Variants in KIAA1755 observed in about 807,000 individuals in gnomAD.
The protein encoded by KIAA1755 is uncharacterized protein KIAA1755.
In KIAA1755, 68 loss-of-function variants were observed where a neutral mutation model predicts 91.7. The ratio of observed to expected loss-of-function variants is 0.74; its 90% CI spans 0.61 to 0.91. The LOEUF is 0.91. Among genes scored for constraint, KIAA1755 ranks in the 40% least tolerant of loss-of-function variants. KIAA1755 has a pLI of 0.00. For missense variants in KIAA1755, 1,535 were observed against 1,494.4 expected, an observed-to-expected ratio of 1.03 and a Z score of -0.45; for synonymous variants, 610 against 604.6, an observed-to-expected ratio of 1.01 and a Z score of -0.13.
rs2075458468 is a variant in KIAA1755 at position 38,212,113 on chromosome 20, G to A, written c.*929C>T. The A allele has an allele frequency of 1.3e-5, 2 of 152,176 alleles. No homozygotes were observed. Among genetic ancestry groups the A allele is most frequent in the Admixed American group, 6.5e-5 (1 of 15,274 alleles). The allele number at this position is 152,176 out of a possible 1,614,324, so 9.4% of individuals were successfully genotyped here. A position where few individuals can be genotyped will look rare whatever the true frequency, so the allele number is the denominator to read the frequency against. On this transcript the variant is annotated 3_prime_UTR_variant, in exon 14 of 14. Coordinates refer to ENST00000279024, the MANE Select transcript of KIAA1755 (RefSeq NM_001029864.2). ...AGAGGATCACTTGAGCTTGAGATCA[G>A]CCTGCCTGGGCAACATAGCAAGACC...
chr20:38,222,684 A>C lies in KIAA1755; in HGVS notation c.2269-87T>G, dbSNP rs756895857. 3 of 1,429,552 alleles carry C rather than the reference A, an allele frequency of 2.1e-6. No individual in the cohort carries two copies. The African/African-American group carries it at 4.3e-5, about 20-fold the overall frequency. 88.6% of individuals were successfully genotyped at this position (1,429,552 alleles called of 1,614,324 possible). A position where few individuals can be genotyped will look rare whatever the true frequency, so the allele number is the denominator to read the frequency against. On this transcript the variant is annotated intron_variant, in intron 9 of 13. Transcript: ENST00000279024. The stretch of plus-strand genomic sequence containing the variant: ...GCTCCCCACACCCAGATCAAGTCCA[A>C]CTCCCAGTTTGGCATTCAAGGTCCT...
In KIAA1755 at chr20:38,241,535, T is replaced by A; in HGVS notation, c.596A>T (p.Gln199Leu). Residue 199 changes from glutamine to leucine, a missense_variant, in exon 3 of 14, where the codon CAA becomes CTA. Gln to Leu is a moderately radical substitution (Grantham distance 113). Transcript: ENST00000279024. ...DRPQVVNALC[Q>L]AWGPLPLEAL... The stretch of plus-strand genomic sequence containing the variant: ...CTCTAATGGAAGGGGCCCCCAGGCT[T>A]GGCAGAGGGCATTCACTACTTGGGG... 6.2e-7 allele frequency: 1 copy of A among 1,614,254 alleles called. No individual in the cohort carries two copies. Among genetic ancestry groups the A allele is most frequent in the Non-Finnish European group, 8.5e-7 (1 of 1,180,034 alleles).
chr20:38,228,250 G>A lies in KIAA1755; in HGVS notation c.1872-10C>T. The A allele has an allele frequency of 6.3e-7, 1 of 1,588,722 alleles. No individual in the cohort carries two copies. Among genetic ancestry groups the A allele is most frequent in the Non-Finnish European group, 8.6e-7 (1 of 1,168,862 alleles). Reference sequence around the variant, plus strand: ...GGCTTTATCTTCAGGCCTGTGGGTGGTAAACAGAATTGACAGTCTTGCTGG... The same window carrying A: ...GGCTTTATCTTCAGGCCTGTGGGTGATAAACAGAATTGACAGTCTTGCTGG... On this transcript the variant is annotated splice_polypyrimidine_tract_variant and intron_variant, in intron 5 of 13. Coordinates refer to ENST00000279024, the MANE Select transcript of KIAA1755 (RefSeq NM_001029864.2).
chr20:38,212,966 G>A lies in KIAA1755; in HGVS notation c.*76C>T. The A allele has an allele frequency of 9.4e-6, 11 of 1,164,594 alleles. No individual in the cohort carries two copies. In the South Asian group the frequency reaches 1.7e-4, roughly 18 times the overall value. The allele number at this position is 1,164,594 out of a possible 1,614,324, so 72.1% of individuals were successfully genotyped here. ...GGTGACGTCTCACTGGGACTGACCAGAGCTCCCAGCTACCCCTCCAGCTGG... is the reference window on the plus strand; with the variant it reads ...GGTGACGTCTCACTGGGACTGACCAAAGCTCCCAGCTACCCCTCCAGCTGG... On this transcript the variant is annotated 3_prime_UTR_variant, in exon 14 of 14. Coordinates refer to ENST00000279024, the MANE Select transcript of KIAA1755 (RefSeq NM_001029864.2).
chr20:38,258,778 G>A (rs2076384107), intron 1 of KIAA1755, among the ~76,000 whole-genome samples: 3 of 152,172 alleles, frequency 2.0e-5, no homozygotes, highest in African/African-American at 7.2e-5. Context: ...AGGTAGGCTG[G>A]CAACAACCTT....
chr20:38,213,979 T>C (rs964801500), intron 13 of KIAA1755, among the ~76,000 whole-genome samples: 1 of 145,120 alleles, frequency 6.9e-6, no homozygotes, highest in Non-Finnish European at 1.5e-5. Flanking sequence ...TGAGATGGAG[T>C]CTCGCTCCAT....
At chr20:38,247,609 G>T (rs1041989541) in intron 1 of KIAA1755, among the ~76,000 whole-genome samples, 1 of 152,184 alleles carries the variant, frequency 6.6e-6, no homozygotes, top group Non-Finnish European at 1.5e-5. Flanking sequence ...CTCCAATGAC[G>T]CCCTCATCCT....
chr20:38,260,384 G>A, intron 1 of KIAA1755, 114 bp downstream of exon 1: 2 of 1,602,262 alleles, frequency 1.2e-6, no homozygotes, highest in Middle Eastern at 1.7e-4. Flanking sequence ...AAGGCACTGA[G>A]GGTCGTCTCA....
chr20:38,252,021 G>T (rs1007824107), intron 1 of KIAA1755, among the ~76,000 whole-genome samples: 1 of 152,166 alleles, frequency 6.6e-6, no homozygotes, highest in African/African-American at 2.4e-5. Context: ...CCCCTTGCCA[G>T]TTGTCTATGT....
rs139229061 is a variant in KIAA1755, at chr20:38,248,681, T to TTTATTATTATTATTATTA, written c.4-2573_4-2556dup. On this transcript the variant is annotated intron_variant, in intron 1 of 13. Coordinates refer to ENST00000279024, the MANE Select transcript of KIAA1755 (RefSeq NM_001029864.2). ...TTTCTTTTCCTTTTCTTGTCTTCTC[T>TTTATTATTATTATTATTA]TTATTATTATTATTATTATTATTAT... Among the ~76,000 whole-genome samples, 160 of 144,836 alleles carry TTTATTATTATTATTATTA rather than the reference T, an allele frequency of 1.1e-3. 1 individual carries two copies. In the East Asian group the frequency reaches 0.023, roughly 21 times the overall value.
chr20:38,254,299 C>T (rs999027154), intron 1 of KIAA1755, among the ~76,000 whole-genome samples: 1 of 152,074 alleles, frequency 6.6e-6, no homozygotes, highest in Non-Finnish European at 1.5e-5. Context: ...TGAGAAAAGC[C>T]AAAATGGACA....
At chr20:38,215,387 G>A (rs761069657) in intron 13 of KIAA1755, among the ~76,000 whole-genome samples, 1 of 152,154 alleles carries the variant, frequency 6.6e-6, no homozygotes, top group Non-Finnish European at 1.5e-5. Context: ...CTTGTGGGCC[G>A]AGCCCGTGCC....
chr20:38,255,895 C>G (rs2076332465), intron 1 of KIAA1755, among the ~76,000 whole-genome samples: 1 of 152,144 alleles, frequency 6.6e-6, no homozygotes, highest in African/African-American at 2.4e-5. Context: ...TCTCCCTCTC[C>G]CCTTTTCCTC....
chr20:38,227,050 C>T, intron 7 of KIAA1755, 104 bp downstream of exon 7: 1 of 760,036 alleles, frequency 1.3e-6, no homozygotes, highest in Non-Finnish European at 2.2e-6. Flanking sequence ...TACCTCCAGG[C>T]CTCTTCTAGC....
In KIAA1755 at chr20:38,219,618, C is replaced by T. The variant is rs1376376459; in HGVS notation, c.2556+12G>A. ...CAGAACCCCCACACCCCAAGCCAGA[C>T]ACCCCTTTCACCTGGTGAATGGCAG... On this transcript the variant is annotated intron_variant, in intron 11 of 13. Coordinates refer to ENST00000279024, the MANE Select transcript of KIAA1755 (RefSeq NM_001029864.2). 1 of 1,613,788 alleles carries T rather than the reference C, an allele frequency of 6.2e-7. No homozygotes were observed. Among genetic ancestry groups the T allele is most frequent in the Admixed American group, 1.7e-5 (1 of 60,018 alleles).
chr20:38,246,174 C>T (rs1255369610), intron 1 of KIAA1755, 48 bp from the exon 2 acceptor site: 2 of 1,511,114 alleles, frequency 1.3e-6, no homozygotes, highest in Non-Finnish European at 1.8e-6. Flanking sequence ...ATAATAAGGG[C>T]AGAGACCACT....
intron 1 of KIAA1755, among the ~76,000 whole-genome samples, chr20:38,258,243 G>A (rs931463787): frequency 6.6e-6 from 1 of 151,982 alleles, no homozygotes; most frequent in Admixed American, 6.6e-5. Context: ...ATTTTTTCAT[G>A]GTTGTGATAT....
chr20:38,246,778 G>A (rs1324647654), intron 1 of KIAA1755, among the ~76,000 whole-genome samples: 1 of 152,018 alleles, frequency 6.6e-6, no homozygotes, highest in Admixed American at 6.6e-5. Context: ...ACCCAACCTG[G>A]CAACTTCCCA....
At chr20:38,230,450 C>G (rs1221035377) in intron 5 of KIAA1755, among the ~76,000 whole-genome samples, 1 of 152,198 alleles carries the variant, frequency 6.6e-6, no homozygotes, top group African/African-American at 2.4e-5. Flanking sequence ...TAGTCCCAGG[C>G]CCAGCACCTG....
Sources: allele counts gnomAD v4.1 joint callset (sites outside exome capture counted in the v4.1 genomes callset), GRCh38; gene constraint gnomAD v4.1.1; transcripts MANE v1.5; gene names NCBI Gene and HGNC (gene_info 2026-07-23, HGNC 2026-07-21).